The following MAN2A1 variants were observed in gnomAD, a reference collection of about 807,000 sequenced individuals.
The protein encoded by MAN2A1 is alpha-mannosidase 2.
In MAN2A1, 76 loss-of-function variants were observed where a neutral mutation model predicts 142.6. The ratio of observed to expected loss-of-function variants is 0.53; its 90% CI spans 0.44 to 0.65. MAN2A1 has a LOEUF of 0.65. Among genes scored for constraint, MAN2A1 ranks in the 30% least tolerant of loss-of-function variants. The probability of loss-of-function intolerance (pLI) is 0.00; values close to 1 mark genes in which losing one functional copy is unlikely to be tolerated. For synonymous variants in MAN2A1, 559 were observed against 473.2 expected (o/e 1.18, Z -2.35); for missense variants, 1,311 against 1,365.1 (o/e 0.96, Z 0.62).
At chr5:109,844,482 T>G (rs1755297102) in intron 17 of MAN2A1, among the ~76,000 whole-genome samples, 1 of 152,200 alleles carries the variant, frequency 6.6e-6, no homozygotes, top group South Asian at 2.1e-4. Context: ...CTTTACTTTT[T>G]TTTTTTTCTT....
At chr5:109,856,659 C>G (rs1755611580) in intron 20 of MAN2A1, among the ~76,000 whole-genome samples, 1 of 152,120 alleles carries the variant, frequency 6.6e-6, no homozygotes, top group African/African-American at 2.4e-5. Context: ...CTCAATAATC[C>G]TCAGTTTTTT....
At chr5:109,785,938 T>TA (rs1753584734) in intron 10 of MAN2A1, among the ~76,000 whole-genome samples, 1 of 152,102 alleles carries the variant, frequency 6.6e-6, no homozygotes, top group African/African-American at 2.4e-5. Flanking sequence ...AAATCAATGT[T>TA]AAAAAATTGA....
chr5:109,847,628 T>TTTTGCTTGTTTGTTTGTTTGTGTG (rs1387358448), intron 18 of MAN2A1, 29 bp from the exon 19 acceptor site: 1 of 1,471,386 alleles, frequency 6.8e-7, no homozygotes, highest in Non-Finnish European at 9.0e-7. Context: ...TTCTGGTCAG[T>TTTTGCTTGTTTGTTTGTTTGTGTG]TTTGCTTGTT....
intron 17 of MAN2A1, 85 bp from the exon 18 acceptor site, chr5:109,845,780 G>T: frequency 1.0e-6 from 1 of 999,272 alleles, no homozygotes. Flanking sequence ...TTTTTCTCTT[G>T]GGAAGAAAAA....
intron 5 of MAN2A1, among the ~76,000 whole-genome samples, chr5:109,764,626 A>T (rs1291143294): frequency 6.6e-6 from 1 of 152,136 alleles, no homozygotes; most frequent in East Asian, 1.9e-4. Context: ...TTTCTACATT[A>T]TTTAGTCTCA....
chr5:109,842,548 T>C (rs1224542727), intron 17 of MAN2A1, 87 bp downstream of exon 17: 1 of 831,562 alleles, frequency 1.2e-6, no homozygotes, highest in Non-Finnish European at 1.7e-6. Context: ...TTTTGGATCC[T>C]TTGAAAAAGT....
At chr5:109,698,872 A>G (rs1410763517) in intron 1 of MAN2A1, among the ~76,000 whole-genome samples, 5 of 151,772 alleles carry the variant, frequency 3.3e-5, no homozygotes, top group Admixed American at 3.3e-4. Context: ...TTTTTTCCCC[A>G]TCTTTAGTCC....
At chr5:109,857,168 A>T (rs1255762772) in intron 20 of MAN2A1, among the ~76,000 whole-genome samples, 1 of 152,206 alleles carries the variant, frequency 6.6e-6, no homozygotes, top group Non-Finnish European at 1.5e-5. Flanking sequence ...GAGGCCGGAG[A>T]GATATGTGGC....
In MAN2A1 at chr5:109,855,231, AGTT is replaced by A; in HGVS notation, c.3069_3071del (p.Lys1023_Phe1024delinsAsn). On this transcript the variant is annotated inframe_deletion, in exon 20 of 22. Coordinates refer to ENST00000261483, the MANE Select transcript of MAN2A1 (RefSeq NM_002372.4). ...CATCCAGTCATTCCAATGGCAAATA[AGTT>A]CTCCTCACCTACCCTTGAGCTGCAA... The A allele has an allele frequency of 6.2e-7, 1 of 1,602,384 alleles. No homozygotes were observed. Among genetic ancestry groups the A allele is most frequent in the South Asian group, 1.1e-5 (1 of 89,488 alleles).
intron 4 of MAN2A1, among the ~76,000 whole-genome samples, chr5:109,735,921 A>T (rs943548840): frequency 1.5e-5 from 2 of 137,822 alleles, no homozygotes; most frequent in African/African-American, 5.6e-5. Context: ...GGAGGCTTAA[A>T]ATGCTTACAG....
intron 4 of MAN2A1, among the ~76,000 whole-genome samples, chr5:109,733,815 A>G (rs1367788714): frequency 6.6e-6 from 1 of 152,128 alleles, no homozygotes; most frequent in Non-Finnish European, 1.5e-5. Context: ...ATATTGGTCT[A>G]AAATTCTCTT....
At chr5:109,760,865 T>A (rs749411731) in intron 5 of MAN2A1, among the ~76,000 whole-genome samples, 20 of 152,174 alleles carry the variant, frequency 1.3e-4, no homozygotes, top group Non-Finnish European at 2.6e-4. Context: ...TTCTTTTCTC[T>A]TTTATTCTTT....
chr5:109,868,099 A>C lies in MAN2A1; in HGVS notation c.*1101A>C, dbSNP rs374867399. The C allele has an allele frequency of 2.0e-5, 3 of 152,240 alleles. No homozygotes were observed. Among genetic ancestry groups the C allele is most frequent in the East Asian group, 3.8e-4 (2 of 5,202 alleles). 9.4% of individuals were successfully genotyped at this position (152,240 alleles called of 1,614,324 possible). On this transcript the variant is annotated 3_prime_UTR_variant, in exon 22 of 22. Coordinates refer to ENST00000261483, the MANE Select transcript of MAN2A1 (RefSeq NM_002372.4). ...TTGTTAATTAAAATGTGCTGCTGCC[A>C]AGGAAACTGCAACTTGAAGCAAGGA...
chr5:109,795,840 A>G (rs916916176), intron 12 of MAN2A1, among the ~76,000 whole-genome samples: 1 of 152,150 alleles, frequency 6.6e-6, no homozygotes, highest in Non-Finnish European at 1.5e-5. Flanking sequence ...CTCCCTGCCT[A>G]AGGTCTCTGT....
chr5:109,817,515 G>A (rs941080802), intron 13 of MAN2A1, 77 bp downstream of exon 13: 3 of 1,389,756 alleles, frequency 2.2e-6, no homozygotes, highest in Non-Finnish European at 3.0e-6. Flanking sequence ...ATGTACAGTA[G>A]CCCCCATTTA....
Position 109,868,360 on chromosome 5 carries a change from G to A in MAN2A1, c.*1362G>A, listed in dbSNP as rs1160392891. On this transcript the variant is annotated 3_prime_UTR_variant, in exon 22 of 22. Coordinates refer to ENST00000261483, the MANE Select transcript of MAN2A1 (RefSeq NM_002372.4). ...AGTGCTTTTAATAAAATTTATTTGGGATTATTGTTTCCTTAACATTAAAAT... is the reference window on the plus strand; with the variant it reads ...AGTGCTTTTAATAAAATTTATTTGGAATTATTGTTTCCTTAACATTAAAAT... The A allele has an allele frequency of 6.6e-6, 1 of 152,118 alleles. No individual in the cohort carries two copies. The highest frequency in any genetic ancestry group is 1.5e-5 in the Non-Finnish European group (1 of 68,012). The allele number at this position is 152,118 out of a possible 1,614,324, so 9.4% of individuals were successfully genotyped here.
chr5:109,696,563 C>T (rs1750818269), intron 1 of MAN2A1, among the ~76,000 whole-genome samples: 1 of 152,202 alleles, frequency 6.6e-6, no homozygotes, highest in Admixed American at 6.5e-5. Context: ...AGAATTCTTT[C>T]GTGTTAAGGG....
At chr5:109,771,941 C>T (rs1753157052) in intron 7 of MAN2A1, among the ~76,000 whole-genome samples, 1 of 152,068 alleles carries the variant, frequency 6.6e-6, no homozygotes, top group African/African-American at 2.4e-5. Context: ...GAAAAAAAGG[C>T]TTTTTTATAA....
chr5:109,797,350 G>A (rs2112690364), intron 12 of MAN2A1, among the ~76,000 whole-genome samples: 1 of 152,042 alleles, frequency 6.6e-6, no homozygotes, highest in Non-Finnish European at 1.5e-5. Flanking sequence ...ACAAAAAGAT[G>A]ACAAAAAATG....
Sources: allele counts gnomAD v4.1 joint callset (sites outside exome capture counted in the v4.1 genomes callset), GRCh38; gene constraint gnomAD v4.1.1; transcripts MANE v1.5; gene names NCBI Gene and HGNC (gene_info 2026-07-23, HGNC 2026-07-21).